TBC1D1: variants seen among roughly 807,000 people sequenced by gnomAD.
TBC1D1 encodes TBC1 (tre-2/USP6, BUB2, cdc16) domain family, member 1.
TBC1D1 carries 89 observed loss-of-function variants against 125.6 expected under a neutral mutation model. That is an observed-to-expected ratio of 0.71 (90% CI 0.60 to 0.85). TBC1D1 has a LOEUF of 0.85. TBC1D1 is among the 40% of genes least tolerant of loss of function. The pLI is 0.00. For missense variants in TBC1D1, 1,377 were observed against 1,469.2 expected, an observed-to-expected ratio of 0.94 and a Z score of 1.03; for synonymous variants, 565 against 564.1, an observed-to-expected ratio of 1.00 and a Z score of -0.02.
At chr4:37,951,206 G>A (rs748946628) in intron 2 of TBC1D1, among the ~76,000 whole-genome samples, 24 of 152,098 alleles carry the variant, frequency 1.6e-4, no homozygotes, top group Non-Finnish European at 2.5e-4. Flanking sequence ...GTCTTTGGGC[G>A]CTATTTACTG....
At position 38,027,786 on chromosome 4, in the gene TBC1D1, A is replaced by G. The variant is rs1324242807; in HGVS notation, c.1211-2A>G. 2.5e-6 allele frequency: 4 copies of G among 1,606,270 alleles called. No homozygotes were observed. The highest frequency in any genetic ancestry group is 3.4e-5 in the Admixed American group (2 of 58,496). On this transcript the variant is annotated splice_acceptor_variant, in intron 6 of 19. Coordinates refer to ENST00000261439, the MANE Select transcript of TBC1D1 (RefSeq NM_015173.4). LOFTEE classifies it high-confidence loss of function. ...TCATGCCTCTCTTTTTTCTCTTAAT[A>G]GGAATGAATTCTTCCAAAACAAAAC...
In TBC1D1 at chr4:38,014,918, G is replaced by C. The variant is rs988973280; in HGVS notation, c.827G>C (p.Gly276Ala). 8.8e-6 allele frequency: 14 copies of C among 1,590,742 alleles called. No homozygotes were observed. The South Asian group carries it at 1.6e-4, about 18-fold the overall frequency. ...GACATTGAGAACCACCTCATTAGCGGACACAATATTGTGCAGCCCACAGAT... is the reference window on the plus strand; with the variant it reads ...GACATTGAGAACCACCTCATTAGCGCACACAATATTGTGCAGCCCACAGAT... The change falls in exon 3 of 20, where the codon GGA (glycine) becomes GCA (alanine). Residue 276 changes from glycine (G) to alanine (A), a missense_variant. Physicochemically the swap from Gly to Ala is moderately conservative, Grantham distance 60 (BLOSUM62 0). Coordinates refer to ENST00000261439, the MANE Select transcript of TBC1D1 (RefSeq NM_015173.4). This position sits in a 1 kb window ranked among gnomAD's most constrained non-coding sequence, Gnocchi z 5.1.
chr4:37,917,400 G>C (rs1286973465), intron 2 of TBC1D1, among the ~76,000 whole-genome samples: 1 of 152,138 alleles, frequency 6.6e-6, no homozygotes, highest in African/African-American at 2.4e-5. Flanking sequence ...GCTTGAACCC[G>C]GGAGGTAGAG....
chr4:38,049,383 T>G (rs1035815383), intron 10 of TBC1D1, among the ~76,000 whole-genome samples: 2 of 152,116 alleles, frequency 1.3e-5, no homozygotes, highest in African/African-American at 4.8e-5. Context: ...TGTCCTTCAC[T>G]CCTGCACTTG....
intron 12 of TBC1D1, among the ~76,000 whole-genome samples, chr4:38,084,835 A>T (rs560399877): frequency 6.6e-6 from 1 of 152,174 alleles, no homozygotes; most frequent in African/African-American, 2.4e-5. Context: ...GAGAATAAGG[A>T]TCTGTCTACT....
intron 2 of TBC1D1, among the ~76,000 whole-genome samples, chr4:38,013,015 A>C (rs183934851): frequency 6.6e-6 from 1 of 151,796 alleles, no homozygotes; most frequent in Non-Finnish European, 1.5e-5. Flanking sequence ...GGCTGGTCTC[A>C]ACCTCCTGAC....
At chr4:38,132,976 GTA>G in intron 18 of TBC1D1, 106 bp from the exon 21 acceptor site, 1 of 896,586 alleles carries the variant, frequency 1.1e-6, no homozygotes, top group South Asian at 1.7e-5. Context: ...AGAGCTAAGC[GTA>G]GAGGAGACGC....
intron 7 of TBC1D1, among the ~76,000 whole-genome samples, chr4:38,028,563 A>G (rs1213496083): frequency 6.6e-6 from 1 of 152,232 alleles, no homozygotes; most frequent in African/African-American, 2.4e-5. Context: ...TTAAGCTTTC[A>G]CAGTCTCATA....
chr4:38,000,133 T>C (rs565354395), intron 2 of TBC1D1, among the ~76,000 whole-genome samples: 1 of 152,208 alleles, frequency 6.6e-6, no homozygotes, highest in Non-Finnish European at 1.5e-5. Context: ...TTTGTTTGCA[T>C]TGGATGGTGG....
At chr4:38,097,129 G>C (rs970335028) in intron 14 of TBC1D1, among the ~76,000 whole-genome samples, 1 of 152,118 alleles carries the variant, frequency 6.6e-6, no homozygotes, top group African/African-American at 2.4e-5. Flanking sequence ...TTTTTCCTGA[G>C]TTTATCAGTT....
chr4:38,110,214 C>G, intron 15 of TBC1D1: 2 of 985,406 alleles, frequency 2.0e-6, no homozygotes, highest in Non-Finnish European at 2.4e-6. Context: ...GCAGGACACT[C>G]TTGAGATGGG....
chr4:37,973,262 G>A (rs1732419223), intron 2 of TBC1D1, among the ~76,000 whole-genome samples: 1 of 152,158 alleles, frequency 6.6e-6, no homozygotes, highest in African/African-American at 2.4e-5. Flanking sequence ...AACCCAGACT[G>A]CAGGAGCCTC....
rs1308913038 is a variant in TBC1D1, at chr4:38,054,208, A to G, written c.1920A>G (p.Glu640=). The G allele has an allele frequency of 1.2e-6, 2 of 1,614,144 alleles. No homozygotes were observed. Among genetic ancestry groups the G allele is most frequent in the Non-Finnish European group, 1.7e-6 (2 of 1,179,970 alleles). Residue 640 remains glutamate, a synonymous_variant, in exon 12 of 20, where the codon GAA becomes GAG. Transcript: ENST00000261439. ...CATCTTATAATTTTAGGGACTTTGA[A>G]TCCAAAGCAAACCATCTTGGTGATT...
intron 2 of TBC1D1, chr4:37,960,358 G>C: frequency 7.6e-7 from 1 of 1,314,130 alleles, no homozygotes; most frequent in South Asian, 1.4e-5. Context: ...TTCCACTATA[G>C]TTAACATTCT....
intron 2 of TBC1D1, among the ~76,000 whole-genome samples, chr4:37,976,073 C>G (rs1428411740): frequency 6.6e-6 from 1 of 152,140 alleles, no homozygotes; most frequent in African/African-American, 2.4e-5. Flanking sequence ...GTTGGGATGT[C>G]ACATCTTAAT....
At chr4:37,954,098 T>C (rs1411057524) in intron 2 of TBC1D1, among the ~76,000 whole-genome samples, 2 of 152,180 alleles carry the variant, frequency 1.3e-5, no homozygotes, top group African/African-American at 4.8e-5. Context: ...AAATCACCAA[T>C]AACAGGCTTT....
In TBC1D1 at chr4:37,902,356, C is replaced by T. The variant is rs1284784368; in HGVS notation, c.261C>T (p.Pro87=). 1.9e-6 allele frequency: 3 copies of T among 1,614,028 alleles called. No homozygotes were observed. In the African/African-American group the frequency reaches 4.0e-5, roughly 22 times the overall value. The change falls in exon 2 of 20, where the codon CCC becomes CCT. Residue 87 remains proline, a synonymous_variant. Coordinates refer to ENST00000261439, the MANE Select transcript of TBC1D1 (RefSeq NM_015173.4). ...CAGGGAGAAGTCAACAGTGGGATCC[C>T]CTGATCTATTCCAGCATCTTTGAGT...
At chr4:38,105,537 C>G (rs143060684) in intron 15 of TBC1D1, among the ~76,000 whole-genome samples, 3 of 152,074 alleles carry the variant, frequency 2.0e-5, no homozygotes, top group African/African-American at 7.2e-5. Context: ...AACTTGTCAC[C>G]CAGGAACCAA....
chr4:37,933,957 T>G (rs1445143324), intron 2 of TBC1D1, among the ~76,000 whole-genome samples: 2 of 152,016 alleles, frequency 1.3e-5, no homozygotes, highest in Admixed American at 6.6e-5. Context: ...GGCTGGAAGG[T>G]GGGGGATCCA....
Sources: gnomAD v4.1 joint callset for allele counts (sites outside exome capture counted in the v4.1 genomes callset) on GRCh38, gnomAD v4.1.1 for gene constraint, Gnocchi (gnomAD v3.1) non-coding constraint, MANE v1.5 for transcripts, NCBI Gene and HGNC (gene_info 2026-07-23, HGNC 2026-07-21) for gene names.